The following FAM78B variants were observed in gnomAD, a reference collection of about 807,000 sequenced individuals.
FAM78B encodes family with sequence similarity 78 member B.
A neutral mutation model predicts 20.0 loss-of-function variants in FAM78B; 10 were observed. The ratio of observed to expected loss-of-function variants is 0.50; its 90% CI spans 0.31 to 0.85. FAM78B has a LOEUF of 0.85. Among genes scored for constraint, FAM78B ranks in the 40% least tolerant of loss-of-function variants. The probability of loss-of-function intolerance (pLI) is 0.05; values close to 1 mark genes in which losing one functional copy is unlikely to be tolerated. For synonymous variants in FAM78B, 135 were observed against 132.8 expected (o/e 1.02, Z -0.12); for missense variants, 283 against 345.0 (o/e 0.82, Z 1.42).
downstream of FAM78B, among the ~76,000 whole-genome samples, chr1:166,066,785 A>G (rs969993301): frequency 2.0e-5 from 3 of 152,204 alleles, no homozygotes; most frequent in African/African-American, 7.2e-5. Flanking sequence ...ACCAGGAAAC[A>G]GGGAGTTGTA....
At chr1:166,076,381 T>A (rs1652277077) in intron 1 of FAM78B, among the ~76,000 whole-genome samples, 1 of 152,172 alleles carries the variant, frequency 6.6e-6, no homozygotes, top group Non-Finnish European at 1.5e-5. Flanking sequence ...CACTTACCGT[T>A]CATTTTGCCT....
chr1:166,079,948 G>A (rs1431613464), intron 1 of FAM78B, among the ~76,000 whole-genome samples: 2 of 152,134 alleles, frequency 1.3e-5, no homozygotes, highest in African/African-American at 2.4e-5. Flanking sequence ...TGGTTTCACT[G>A]CTGCTTGTTT....
chr1:166,152,655 G>GATTTATTTATTT (rs59226484), intron 1 of FAM78B, among the ~76,000 whole-genome samples: 180 of 140,578 alleles, frequency 1.3e-3, no homozygotes, highest in African/African-American at 3.7e-3. Context: ...TGGTACTCTG[G>GATTTATTTATTT]ATTTATTTAT....
intron 1 of FAM78B, among the ~76,000 whole-genome samples, chr1:166,073,136 G>C (rs1211136858): frequency 6.6e-6 from 1 of 152,190 alleles, no homozygotes; most frequent in Non-Finnish European, 1.5e-5. Context: ...TTTTCTTGGA[G>C]GAGTTTCTGG....
chr1:166,154,425 C>A (rs1655813407), intron 1 of FAM78B, among the ~76,000 whole-genome samples: 1 of 152,178 alleles, frequency 6.6e-6, no homozygotes. Flanking sequence ...CTGGGGAGAC[C>A]CTCTTCTTTC....
At chr1:166,089,041 C>T (rs748997023) in intron 1 of FAM78B, among the ~76,000 whole-genome samples, 15 of 152,196 alleles carry the variant, frequency 9.9e-5, no homozygotes, top group Non-Finnish European at 1.6e-4. Flanking sequence ...TCTTCCCTGC[C>T]TCAGAGCCTC....
chr1:166,080,751 CAT>C (rs1207661610), intron 1 of FAM78B, among the ~76,000 whole-genome samples: 1 of 152,248 alleles, frequency 6.6e-6, no homozygotes, highest in Non-Finnish European at 1.5e-5. Context: ...ACGTGAGTCT[CAT>C]GTTCCGTGTC....
intron 1 of FAM78B, among the ~76,000 whole-genome samples, chr1:166,097,522 C>T (rs1333645286): frequency 1.3e-5 from 2 of 151,982 alleles, no homozygotes; most frequent in Non-Finnish European, 2.9e-5. Context: ...TTGCGGGGAG[C>T]ATGGTGGGAG....
rs184979438 is a variant in FAM78B at position 166,108,011 on chromosome 1, T to C, written c.264-37248A>G. 1.3e-3 allele frequency among the ~76,000 whole-genome samples: 197 copies of C among 152,212 alleles called. 1 individual carries two copies. The highest frequency in any genetic ancestry group is 4.7e-3 in the African/African-American group (194 of 41,522). On this transcript the variant is annotated intron_variant, in intron 1 of 1. Coordinates refer to ENST00000354422, the MANE Select transcript of FAM78B (RefSeq NM_001017961.5). ...ACATACCTTAATGTAATAAAAACCATCTACGACAAACCCACAGCCAACATA... is the reference window on the plus strand; with the variant it reads ...ACATACCTTAATGTAATAAAAACCACCTACGACAAACCCACAGCCAACATA...
intron 1 of FAM78B, among the ~76,000 whole-genome samples, chr1:166,140,965 CA>C (rs1319872789): frequency 6.6e-6 from 1 of 152,214 alleles, no homozygotes; most frequent in Non-Finnish European, 1.5e-5. Flanking sequence ...AGCCAGCAAA[CA>C]GCAGAGCTTT....
intron 1 of FAM78B, among the ~76,000 whole-genome samples, chr1:166,104,364 C>T (rs1653675448): frequency 1.3e-5 from 2 of 152,030 alleles, no homozygotes; most frequent in South Asian, 2.1e-4. Context: ...GGCAATCAGG[C>T]AGGAGAAGGA....
intron 1 of FAM78B, among the ~76,000 whole-genome samples, chr1:166,089,109 C>T (rs1652958562): frequency 6.6e-6 from 1 of 152,184 alleles, no homozygotes; most frequent in African/African-American, 2.4e-5. Flanking sequence ...ACTGAGTAAT[C>T]CTTAGGTCTA....
chr1:166,086,626 G>T lies in FAM78B; in HGVS notation c.264-15863C>A, dbSNP rs182931683. On this transcript the variant is annotated intron_variant, in intron 1 of 1. Coordinates refer to ENST00000354422, the MANE Select transcript of FAM78B (RefSeq NM_001017961.5). ...ATTAACTTTCCACTTTGTGTTCTTTGCATGCCACATTTCACTGCATGCTGA... is the reference window on the plus strand; with the variant it reads ...ATTAACTTTCCACTTTGTGTTCTTTTCATGCCACATTTCACTGCATGCTGA... Among the ~76,000 whole-genome samples the T allele has an allele frequency of 2.0e-3, 305 of 152,308 alleles. 4 individuals carry two copies. Among genetic ancestry groups the T allele is most frequent in the Non-Finnish European group, 3.1e-4 (21 of 68,020 alleles).
intron 1 of FAM78B, among the ~76,000 whole-genome samples, chr1:166,105,153 T>G (rs891476076): frequency 9.2e-5 from 14 of 152,196 alleles, no homozygotes; most frequent in South Asian, 4.1e-4. Flanking sequence ...GCTAGCCATA[T>G]GTAGAAAGCT....
At chr1:166,059,140 G>A (rs1457230371) in exon 3 of FAM78B, 1 of 152,674 alleles carries the variant, frequency 6.5e-6, no homozygotes, top group Admixed American at 6.5e-5. Flanking sequence ...GAATCCTGCA[G>A]AGAGTAGGTT....
chr1:166,062,591 G>T (rs1256720092), intron 2 of FAM78B, among the ~76,000 whole-genome samples: 1 of 152,230 alleles, frequency 6.6e-6, no homozygotes, highest in Non-Finnish European at 1.5e-5. Flanking sequence ...CCTGATGCAT[G>T]TGCATGTGCG....
chr1:166,101,433 A>G (rs995712515), intron 1 of FAM78B, among the ~76,000 whole-genome samples: 1 of 152,158 alleles, frequency 6.6e-6, no homozygotes, highest in Non-Finnish European at 1.5e-5. Context: ...GGAAGTTCAA[A>G]CCCATGGCAA....
At chr1:166,095,052 C>T (rs1653224634) in intron 1 of FAM78B, among the ~76,000 whole-genome samples, 1 of 152,174 alleles carries the variant, frequency 6.6e-6, no homozygotes, top group South Asian at 2.1e-4. Context: ...GACACTTCTG[C>T]CTTCATCATT....
chr1:166,140,257 C>A (rs1326591321), intron 1 of FAM78B, among the ~76,000 whole-genome samples: 1 of 152,238 alleles, frequency 6.6e-6, no homozygotes, highest in Non-Finnish European at 1.5e-5. Flanking sequence ...GGCTTCTAAG[C>A]GTCCTGGAGA....
Sources: gnomAD v4.1 joint callset for allele counts (sites outside exome capture counted in the v4.1 genomes callset) on GRCh38, gnomAD v4.1.1 for gene constraint, MANE v1.5 for transcripts, NCBI Gene and HGNC (gene_info 2026-07-23, HGNC 2026-07-21) for gene names.